Variants in SLC35F2 observed in about 807,000 individuals in gnomAD.
SLC35F2 encodes the protein queuine/queuosine transporter SLC35F2.
A neutral mutation model predicts 38.1 loss-of-function variants in SLC35F2; 25 were observed. That is an observed-to-expected ratio of 0.66 (90% CI 0.48 to 0.92). The LOEUF is 0.92. Among genes scored for constraint, SLC35F2 ranks in the 40% least tolerant of loss-of-function variants. The pLI is 0.00. For synonymous variants in SLC35F2, 173 were observed against 181.7 expected (o/e 0.95, Z 0.38); for missense variants, 409 against 452.9 (o/e 0.90, Z 0.88).
intron 4 of SLC35F2, among the ~76,000 whole-genome samples, chr11:107,805,927 C>T (rs1248436034): frequency 4.6e-5 from 7 of 152,032 alleles, no homozygotes; most frequent in African/African-American, 7.2e-5. Context: ...ATTACAGGTG[C>T]GAGCGACTGT....
intron 1 of SLC35F2, among the ~76,000 whole-genome samples, chr11:107,852,443 C>T (rs572218606): frequency 3.3e-5 from 5 of 151,442 alleles, no homozygotes; most frequent in South Asian, 2.1e-4. Context: ...CCCAGCTACT[C>T]GGGAGGCTGA....
chr11:107,833,751 A>T (rs2134828806), intron 1 of SLC35F2, among the ~76,000 whole-genome samples: 1 of 152,310 alleles, frequency 6.6e-6, no homozygotes, highest in South Asian at 2.1e-4. Flanking sequence ...GCAGCCAAAG[A>T]GATGGCTAAC....
intron 1 of SLC35F2, chr11:107,821,545 A>G (rs1368665151): frequency 3.0e-6 from 3 of 985,230 alleles, no homozygotes; most frequent in Admixed American, 1.2e-4. Context: ...CCTCAAAACA[A>G]TTTTTGTTAC....
rs78816798 is a variant in SLC35F2, at chr11:107,793,106, G to T, written c.940-306C>A. On this transcript the variant is annotated intron_variant, in intron 7 of 7. Transcript: ENST00000525815. ...CAATTTTTGTGTTTTCTGTAGAGACGGGGTTTTTCCATGTTGCCCAGGATG... is the reference window on the plus strand; with the variant it reads ...CAATTTTTGTGTTTTCTGTAGAGACTGGGTTTTTCCATGTTGCCCAGGATG... 1.3e-4 allele frequency among the ~76,000 whole-genome samples: 8 copies of T among 62,092 alleles called. No homozygotes were observed. The South Asian group carries it at 3.4e-3, about 26-fold the overall frequency. 40.7% of individuals were successfully genotyped at this position (62,092 alleles called of 152,430 possible). A position where few individuals can be genotyped will look rare whatever the true frequency, so the allele number is the denominator to read the frequency against.
chr11:107,833,829 G>C (rs916829104), intron 1 of SLC35F2, among the ~76,000 whole-genome samples: 1 of 152,166 alleles, frequency 6.6e-6, no homozygotes, highest in African/African-American at 2.4e-5. Context: ...AGGAAGGGGA[G>C]GGGAAGTTAA....
Position 107,803,071 on chromosome 11 carries a change from G to C in SLC35F2, c.869C>G (p.Ser290Cys), listed in dbSNP as rs771243899. The part of the protein sequence containing the change: ...PLVIKVTSAT[S>C]VNLGILTADL... ...CGCTGTCAGGATGCCCAGGTTGACG[G>C]AAGTGGCACTAGTGACTTTAATCAC... Residue 290 changes from serine (S) to cysteine (C), a missense_variant, in exon 7 of 8, where the codon TCC becomes TGC. Physicochemically the swap from Ser to Cys is moderately radical, Grantham distance 112. Coordinates refer to ENST00000525815, the MANE Select transcript of SLC35F2 (RefSeq NM_017515.5). 6.2e-7 allele frequency: 1 copy of C among 1,614,084 alleles called. No homozygotes were observed. Among genetic ancestry groups the C allele is most frequent in the Non-Finnish European group, 8.5e-7 (1 of 1,179,998 alleles).
At chr11:107,824,601 TC>T (rs1859725313) in intron 1 of SLC35F2, among the ~76,000 whole-genome samples, 1 of 152,208 alleles carries the variant, frequency 6.6e-6, no homozygotes, top group Admixed American at 6.5e-5. Context: ...AGAATCCTAG[TC>T]TTTGAATCCA....
intron 7 of SLC35F2, among the ~76,000 whole-genome samples, chr11:107,799,397 G>A (rs7123192): frequency 0.15 from 22,854 of 152,002 alleles, 2,776 homozygotes; most frequent in East Asian, 0.42. Context: ...AGCCAAAGCC[G>A]GCCACCAACT....
chr11:107,827,278 C>A (rs939974972), intron 1 of SLC35F2, among the ~76,000 whole-genome samples: 6 of 152,028 alleles, frequency 3.9e-5, no homozygotes, highest in Middle Eastern at 3.2e-3. Flanking sequence ...TTATGAACAC[C>A]CCTAGTGCCT....
chr11:107,814,242 C>T (rs1262741010), intron 2 of SLC35F2, among the ~76,000 whole-genome samples: 1 of 151,994 alleles, frequency 6.6e-6, no homozygotes, highest in Non-Finnish European at 1.5e-5. Flanking sequence ...CCGAGGCAGA[C>T]AGATCACGTA....
intron 1 of SLC35F2, chr11:107,840,587 C>G (rs1006194157): frequency 2.6e-5 from 4 of 152,164 alleles, no homozygotes; most frequent in African/African-American, 9.6e-5. Flanking sequence ...TTGTCCAATG[C>G]AATCCTCAGA....
intron 1 of SLC35F2, among the ~76,000 whole-genome samples, chr11:107,856,046 A>G (rs1860274117): frequency 6.8e-6 from 1 of 147,454 alleles, no homozygotes; most frequent in African/African-American, 2.5e-5. Flanking sequence ...CAGAGGTTGC[A>G]GTGAGCCATG....
At position 107,818,072 on chromosome 11, in the gene SLC35F2, A is replaced by AAAGAAAGAAAG. The variant is rs1555084050; in HGVS notation, c.111-2108_111-2107insCTTTCTTTCTT. Among the ~76,000 whole-genome samples the AAAGAAAGAAAG allele has an allele frequency of 1.8e-3, 121 of 68,430 alleles. 1 individual carries two copies. Among genetic ancestry groups the AAAGAAAGAAAG allele is most frequent in the South Asian group, 5.1e-3 (8 of 1,580 alleles). The allele number at this position is 68,430 out of a possible 152,430, so 44.9% of individuals were successfully genotyped here. A position where few individuals can be genotyped will look rare whatever the true frequency, so the allele number is the denominator to read the frequency against. On this transcript the variant is annotated intron_variant, in intron 1 of 7. Transcript: ENST00000525815. ...ACTCTGTCTCAAAAAAAAAAAAAAA[A>AAAGAAAGAAAG]AAAGAAAGAAAGAAAGAAAGAAAGA...
chr11:107,793,180 G>A (rs1231141125), intron 7 of SLC35F2, among the ~76,000 whole-genome samples: 2 of 152,232 alleles, frequency 1.3e-5, no homozygotes, highest in African/African-American at 2.4e-5. Context: ...GGCTCCCAAA[G>A]TGCGGGGGAT....
chr11:107,834,727 T>C (rs959829909), intron 1 of SLC35F2, among the ~76,000 whole-genome samples: 1 of 152,214 alleles, frequency 6.6e-6, no homozygotes, highest in Non-Finnish European at 1.5e-5. Context: ...GCTAATGCGA[T>C]TTCTCTCTAT....
intron 1 of SLC35F2, among the ~76,000 whole-genome samples, chr11:107,837,168 A>T (rs1006077475): frequency 6.6e-5 from 10 of 152,206 alleles, no homozygotes; most frequent in Admixed American, 5.2e-4. Flanking sequence ...CAGGGGACAC[A>T]TTAGTACTGT....
intron 1 of SLC35F2, among the ~76,000 whole-genome samples, chr11:107,820,207 A>G (rs1470318968): frequency 2.0e-5 from 3 of 151,248 alleles, no homozygotes; most frequent in African/African-American, 7.3e-5. Flanking sequence ...GTGAGCCGAG[A>G]TCATACCACT....
chr11:107,849,535 A>T (rs1213194387), intron 1 of SLC35F2, among the ~76,000 whole-genome samples: 4 of 151,612 alleles, frequency 2.6e-5, no homozygotes, highest in Admixed American at 2.6e-4. Flanking sequence ...GCTACTCAGG[A>T]GGCTGAGGCA....
intron 1 of SLC35F2, among the ~76,000 whole-genome samples, chr11:107,836,265 GA>G (rs1467427640): frequency 6.6e-6 from 1 of 151,850 alleles, no homozygotes; most frequent in Non-Finnish European, 1.5e-5. Flanking sequence ...ATGAGCTCTA[GA>G]AAGCTGTAGA....
Sources: allele counts gnomAD v4.1 joint callset (sites outside exome capture counted in the v4.1 genomes callset), GRCh38; gene constraint gnomAD v4.1.1; transcripts MANE v1.5; gene names NCBI Gene and HGNC (gene_info 2026-07-23, HGNC 2026-07-21).